CADPS2: variants seen among roughly 807,000 people sequenced by gnomAD.
The protein encoded by CADPS2 is calcium-dependent secretion activator 2.
Under a neutral mutation model 172.5 loss-of-function variants are expected in CADPS2, and 93 were observed. That is an observed-to-expected ratio of 0.54 (90% CI 0.46 to 0.64). CADPS2 has a LOEUF of 0.64. CADPS2 is among the 30% of genes least tolerant of loss of function. CADPS2 has a pLI of 0.00. For synonymous variants in CADPS2, 546 were observed against 555.2 expected (o/e 0.98, Z 0.23); for missense variants, 1,420 against 1,565.9 (o/e 0.91, Z 1.57).
At position 122,490,114 on chromosome 7, in the gene CADPS2, T is replaced by C. The variant is rs2058156175; in HGVS notation, c.1819A>G (p.Lys607Glu). Reference sequence around the variant, plus strand: ...GCATCTGCATGGAGAGTTCCTCCTTTAGGATTCAGTTTCTGGGTTTGAATT... The same window carrying C: ...GCATCTGCATGGAGAGTTCCTCCTTCAGGATTCAGTTTCTGGGTTTGAATT... ...PAIQTQKLNP[K>E]GGTLHADAQL... is the part of the protein sequence containing the mutation. The change falls in exon 11 of 30, where the codon AAA becomes GAA. Residue 607 changes from lysine (K) to glutamate (E), a missense_variant. Lys to Glu is a moderately conservative substitution (Grantham distance 56). Transcript: ENST00000449022. 2.5e-6 allele frequency: 4 copies of C among 1,613,360 alleles called. No individual in the cohort carries two copies. The highest frequency in any genetic ancestry group is 3.4e-6 in the Non-Finnish European group (4 of 1,179,590).
chr7:122,452,151 G>C (rs2053198424), intron 14 of CADPS2, among the ~76,000 whole-genome samples: 1 of 152,052 alleles, frequency 6.6e-6, no homozygotes, highest in African/African-American at 2.4e-5. Flanking sequence ...ACTAAGATTA[G>C]GATTAAAAAT....
At chr7:122,790,292 A>G (rs1039339533) in intron 1 of CADPS2, among the ~76,000 whole-genome samples, 1 of 151,672 alleles carries the variant, frequency 6.6e-6, no homozygotes, top group Non-Finnish European at 1.5e-5. Flanking sequence ...CTAGCTACTC[A>G]AGAGGCTAAA....
intron 1 of CADPS2, among the ~76,000 whole-genome samples, chr7:122,765,267 T>C (rs895181450): frequency 1.3e-5 from 2 of 152,152 alleles, no homozygotes; most frequent in Non-Finnish European, 2.9e-5. Flanking sequence ...AAGTCTCTAA[T>C]TCAAGTTTTA....
chr7:122,435,327 CT>C (rs1226683377), intron 17 of CADPS2, among the ~76,000 whole-genome samples: 1 of 151,974 alleles, frequency 6.6e-6, no homozygotes, highest in East Asian at 1.9e-4. Flanking sequence ...AATAGCCCAA[CT>C]TAAAAATGAA....
intron 1 of CADPS2, among the ~76,000 whole-genome samples, chr7:122,885,291 T>A (rs1267983046): frequency 6.6e-6 from 1 of 152,090 alleles, no homozygotes; most frequent in East Asian, 1.9e-4. Context: ...AAAAAAGCAT[T>A]TGGAAAGCAT....
chr7:122,527,053 ATCAAAAATGTTAAAAAG>A (rs1013083772), intron 8 of CADPS2, among the ~76,000 whole-genome samples: 3 of 152,218 alleles, frequency 2.0e-5, no homozygotes, highest in African/African-American at 7.2e-5. Flanking sequence ...TACAACATAT[ATCAAAAATGTTAAAAAG>A]TCTTGGATAG....
chr7:122,591,361 T>G (rs954943262), intron 6 of CADPS2, among the ~76,000 whole-genome samples: 2 of 152,072 alleles, frequency 1.3e-5, no homozygotes, highest in African/African-American at 2.4e-5. Flanking sequence ...GGAAGAACAT[T>G]CCATGCTCAT....
At position 122,334,892 on chromosome 7, in the gene CADPS2, G is replaced by A. The variant is rs538078516; in HGVS notation, c.3613-9311C>T. On this transcript the variant is annotated intron_variant, in intron 28 of 29. Coordinates refer to ENST00000449022, the MANE Select transcript of CADPS2 (RefSeq NM_017954.11). Reference sequence around the variant, plus strand: ...ATTTGGTAAGCTCCCTTGGGGCAAGGACTTGGTCTATCTTGTTTAATACTG... The same window carrying A: ...ATTTGGTAAGCTCCCTTGGGGCAAGAACTTGGTCTATCTTGTTTAATACTG... Among the ~76,000 whole-genome samples the A allele has an allele frequency of 1.5e-3, 229 of 152,250 alleles. 7 individuals are homozygous for A. In the South Asian group the frequency reaches 0.046, roughly 31 times the overall value.
intron 1 of CADPS2, among the ~76,000 whole-genome samples, chr7:122,803,016 T>A (rs1797980212): frequency 6.6e-6 from 1 of 152,198 alleles, no homozygotes; most frequent in Admixed American, 6.5e-5. Context: ...TCTAAAAAAA[T>A]ATGAATTATA....
intron 3 of CADPS2, among the ~76,000 whole-genome samples, chr7:122,662,200 A>C (rs778388952): frequency 1.3e-5 from 2 of 152,198 alleles, no homozygotes; most frequent in Non-Finnish European, 2.9e-5. Flanking sequence ...GTAACACAAA[A>C]ATTTTTAAGT....
intron 20 of CADPS2, 42 bp downstream of exon 20, chr7:122,407,498 C>A: frequency 1.3e-6 from 2 of 1,579,730 alleles, no homozygotes; most frequent in Non-Finnish European, 1.7e-6. Context: ...CATTCTCCCA[C>A]CCCTCCCCAT....
chr7:122,626,659 T>C lies in CADPS2; in HGVS notation c.867+2589A>G, dbSNP rs2076120518. ...TATTGTGGGGCTATCGCAAATAAAA[T>C]GTAAGCTCCACCAGGGCCTGGCAGA... On this transcript the variant is annotated intron_variant, in intron 4 of 29. Transcript: ENST00000449022. 2.0e-5 allele frequency among the ~76,000 whole-genome samples: 3 copies of C among 152,288 alleles called. No individual in the cohort carries two copies. In the Middle Eastern group the frequency reaches 0.01, roughly 518 times the overall value.
chr7:122,326,900 C>T (rs1171031301), intron 28 of CADPS2, among the ~76,000 whole-genome samples: 1 of 151,888 alleles, frequency 6.6e-6, no homozygotes, highest in East Asian at 1.9e-4. Flanking sequence ...AACATATATG[C>T]ATCAAATGAG....
At chr7:122,551,259 C>A (rs11768210) in intron 8 of CADPS2, among the ~76,000 whole-genome samples, 70,209 of 151,712 alleles carry the variant, frequency 0.46, 16,307 homozygotes, top group Admixed American at 0.5. Flanking sequence ...TTTAAGGTTC[C>A]ATTTGTGAAT....
intron 2 of CADPS2, among the ~76,000 whole-genome samples, chr7:122,714,630 G>A (rs1057249010): frequency 2.0e-5 from 3 of 152,042 alleles, no homozygotes; most frequent in Admixed American, 1.3e-4. Context: ...GCTATGAAGG[G>A]TAAGCAATAA....
In CADPS2 at chr7:122,393,294, G is replaced by A; in HGVS notation, c.2910C>T (p.Pro970=). 3 of 1,613,844 alleles carry A rather than the reference G, an allele frequency of 1.9e-6. No individual in the cohort carries two copies. The highest frequency in any genetic ancestry group is 2.5e-6 in the Non-Finnish European group (3 of 1,179,804). Residue 970 remains proline (P), a synonymous_variant, in exon 22 of 30, where the codon CCC becomes CCT. Coordinates refer to ENST00000449022, the MANE Select transcript of CADPS2 (RefSeq NM_017954.11). ...TTGGAACTTTTGGAAGAGCTACATT[G>A]GGAAGACTGTTGGCGATATTCCTGT... is the stretch of plus-strand genomic sequence containing the variant. ...QPVKNIANSL[P]NVALPKVPSL... is the part of the protein sequence containing the mutation.
At chr7:122,746,640 C>G (rs1022693880) in intron 1 of CADPS2, among the ~76,000 whole-genome samples, 3 of 149,532 alleles carry the variant, frequency 2.0e-5, no homozygotes, top group Non-Finnish European at 4.5e-5. Flanking sequence ...CACACACACA[C>G]AGACACACAC....
At chr7:122,777,014 G>T (rs114603534) in intron 1 of CADPS2, among the ~76,000 whole-genome samples, 1 of 152,074 alleles carries the variant, frequency 6.6e-6, no homozygotes, top group Non-Finnish European at 1.5e-5. Flanking sequence ...AGCCAAGCAC[G>T]GCAGTGTGTG....
rs75683032 is a variant in CADPS2, at chr7:122,393,334, C to T, written c.2889-19G>A. ...GATATTCCTGTAAAGAAACAAACAA[C>T]GTGGGAAGGGACCACCATAAGCGAT... On this transcript the variant is annotated intron_variant, in intron 21 of 29. Coordinates refer to ENST00000449022, the MANE Select transcript of CADPS2 (RefSeq NM_017954.11). 3.4e-3 allele frequency: 5,435 copies of T among 1,613,640 alleles called. 159 individuals carry two copies. In the African/African-American group the frequency reaches 0.06, roughly 18 times the overall value.
Sources: gnomAD v4.1 joint callset for allele counts (sites outside exome capture counted in the v4.1 genomes callset) on GRCh38, gnomAD v4.1.1 for gene constraint, MANE v1.5 for transcripts, NCBI Gene and HGNC (gene_info 2026-07-23, HGNC 2026-07-21) for gene names.